The following DMWD variants were observed in gnomAD, a reference collection of about 807,000 sequenced individuals.
DMWD encodes the protein DM1 locus, WD repeat containing, also known as dystrophia myotonica WD repeat-containing protein.
Under a neutral mutation model 45.8 loss-of-function variants are expected in DMWD, and 19 were observed. That is an observed-to-expected ratio of 0.41 (90% CI 0.29 to 0.61). The LOEUF is 0.61. Ranked by LOEUF, DMWD falls within the 20% of genes least tolerant of loss-of-function variation. The probability of loss-of-function intolerance (pLI) is 0.25; values close to 1 mark genes in which losing one functional copy is unlikely to be tolerated. For missense variants in DMWD, 802 were observed against 965.2 expected (o/e 0.83, Z 2.24); for synonymous variants, 515 against 440.5 (o/e 1.17, Z -2.12).
At position 45,786,815 on chromosome 19, in the gene DMWD, G is replaced by A; in HGVS notation, c.681C>T (p.Ser227=). The A allele has an allele frequency of 6.2e-7, 1 of 1,614,082 alleles. No homozygotes were observed. Among genetic ancestry groups the A allele is most frequent in the South Asian group, 1.1e-5 (1 of 91,088 alleles). ...TYLKWLPESE[S]LFLASHASGH... ...CACTGGCGTGTGATGCCAGGAACAG[G>A]CTCTCCGACTCAGGCAGCCACTTCA... Residue 227 remains serine, a synonymous_variant, in exon 3 of 5, where the codon AGC becomes AGT. Transcript: ENST00000270223.
chr19:45,786,256 C>T lies in DMWD; in HGVS notation c.1240G>A (p.Gly414Arg), dbSNP rs763684273. 1.6e-5 allele frequency: 25 copies of T among 1,606,548 alleles called. No individual in the cohort carries two copies. The highest frequency in any genetic ancestry group is 9.9e-5 in the South Asian group (9 of 90,654). ...GGCAGTGGAGAGAGCGGGGCGCCCC[C>T]GGCCGAGCCTGTGCCCGCAGCCTCG... Reference protein sequence around the residue: ...EPEAAGTGSAGGAPLSPLPKA... With the variant: ...EPEAAGTGSARGAPLSPLPKA... Residue 414 changes from glycine to arginine, a missense_variant, in exon 3 of 5, where the codon GGG becomes AGG. By Grantham distance (125) the Gly-to-Arg change is moderately radical (BLOSUM62 -2). Coordinates refer to ENST00000270223, the MANE Select transcript of DMWD (RefSeq NM_004943.2).
intron 4 of DMWD, 35 bp downstream of exon 4, chr19:45,784,606 G>C: frequency 6.2e-7 from 1 of 1,613,950 alleles, no homozygotes; most frequent in Non-Finnish European, 8.5e-7. Context: ...GAGGGACCCT[G>C]AGGTGCTGGG....
chr19:45,788,016 G>A (rs1970304792), intron 2 of DMWD, among the ~76,000 whole-genome samples: 1 of 152,162 alleles, frequency 6.6e-6, no homozygotes, highest in African/African-American at 2.4e-5. Flanking sequence ...GGCGGAGGTT[G>A]CAGTGAGGGG....
At position 45,783,934 on chromosome 19, in the gene DMWD, CG is replaced by C; in HGVS notation, c.*308del. 1.8e-6 allele frequency: 1 copy of C among 544,602 alleles called. No homozygotes were observed. Among genetic ancestry groups the C allele is most frequent in the Non-Finnish European group, 3.2e-6 (1 of 312,144 alleles). 33.7% of individuals were successfully genotyped at this position (544,602 alleles called of 1,614,324 possible). A position where few individuals can be genotyped will look rare whatever the true frequency, so the allele number is the denominator to read the frequency against. ...AGACCTGGGGCTCTTGTGGCAGGGG[CG>C]GGGAGTCTCTCCCCAGGAGTGACCA... On this transcript the variant is annotated 3_prime_UTR_variant, in exon 5 of 5. Transcript: ENST00000270223.
At position 45,784,210 on chromosome 19, in the gene DMWD, G is replaced by A. The variant is rs778657184; in HGVS notation, c.*33C>T. The A allele has an allele frequency of 3.2e-6, 5 of 1,560,332 alleles. No individual in the cohort carries two copies. The highest frequency in any genetic ancestry group is 1.7e-4 in the Middle Eastern group (1 of 5,880). On this transcript the variant is annotated 3_prime_UTR_variant, in exon 5 of 5. Transcript: ENST00000270223. The stretch of plus-strand genomic sequence containing the variant: ...GAGGGTTATGGCTAGGAGGCTGGGG[G>A]CATGGGGTTGGGGGGGCCCGATATC...
Position 45,788,494 on chromosome 19 carries a change from C to T in DMWD, c.625-1623G>A, listed in dbSNP as rs138308126. On this transcript the variant is annotated intron_variant, in intron 2 of 4. Transcript: ENST00000270223. Reference sequence around the variant, plus strand: ...AACTAAGAGTAAGGCAAAATCTCTCCGTGACCTTCCAGACTCTCCATGAGC... The same window carrying T: ...AACTAAGAGTAAGGCAAAATCTCTCTGTGACCTTCCAGACTCTCCATGAGC... 1.3e-4 allele frequency among the ~76,000 whole-genome samples: 20 copies of T among 152,324 alleles called. No homozygotes were observed. The East Asian group carries it at 2.7e-3, about 21-fold the overall frequency.
At chr19:45,792,284 G>A in intron 1 of DMWD, 32 bp downstream of exon 1, 1 of 1,592,000 alleles carries the variant, frequency 6.3e-7, no homozygotes, top group East Asian at 2.4e-5. Context: ...CATCCTTTCA[G>A]CACCCAGGGC....
chr19:45,792,115 T>A (rs144572052), intron 1 of DMWD, among the ~76,000 whole-genome samples: 19 of 152,034 alleles, frequency 1.2e-4, no homozygotes, highest in African/African-American at 4.3e-4. Flanking sequence ...CCCCATCACC[T>A]CCAAGATGCC....
intron 2 of DMWD, chr19:45,790,666 A>G (rs12973583): frequency 2.7e-5 from 10 of 375,750 alleles, no homozygotes; most frequent in Admixed American, 8.5e-5. Flanking sequence ...ATAAATAAAT[A>G]AAAGAAAGAA....
intron 1 of DMWD, among the ~76,000 whole-genome samples, chr19:45,791,419 A>T (rs1321838161): frequency 1.3e-5 from 2 of 151,488 alleles, no homozygotes; most frequent in Non-Finnish European, 1.5e-5. Flanking sequence ...TAGCCTCACC[A>T]CTCCATCCTA....
At chr19:45,789,600 C>G (rs748026879) in intron 2 of DMWD, 5 of 152,228 alleles carry the variant, frequency 3.3e-5, no homozygotes, top group African/African-American at 4.8e-5. Context: ...GGCTTTGAAT[C>G]CAAAGCCTCC....
In DMWD at chr19:45,785,887, C is replaced by G; in HGVS notation, c.1609G>C (p.Glu537Gln). 1 of 1,604,548 alleles carries G rather than the reference C, an allele frequency of 6.2e-7. No individual in the cohort carries two copies. Among genetic ancestry groups the G allele is most frequent in the Non-Finnish European group, 8.5e-7 (1 of 1,179,582 alleles). ...TLQERRDRGA[E>Q]KEHKRYHSLG... Reference sequence around the variant, plus strand: ...CTGTGGTAGCGCTTGTGCTCCTTCTCTGCCCCCCGGTCCCGCCGCTCCTGC... The same window carrying G: ...CTGTGGTAGCGCTTGTGCTCCTTCTGTGCCCCCCGGTCCCGCCGCTCCTGC... Residue 537 changes from glutamate (E) to glutamine (Q), a missense_variant, in exon 3 of 5, where the codon GAG becomes CAG. Coordinates refer to ENST00000270223, the MANE Select transcript of DMWD (RefSeq NM_004943.2).
At chr19:45,789,267 T>C (rs2146274179) in intron 2 of DMWD, 1 of 152,330 alleles carries the variant, frequency 6.6e-6, no homozygotes, top group Admixed American at 6.5e-5. Context: ...TGTGAATGGA[T>C]GAGCTAATGA....
At position 45,786,614 on chromosome 19, in the gene DMWD, G is replaced by C. The variant is rs61744436; in HGVS notation, c.882C>G (p.Pro294=). ...TCACACAGGCCAGGTGCCGGCCATC[G>C]GGCGAGAAGGCGAACTCGTTGAGGG... ...EGPLNEFAFS[P]DGRHLACVSQ... The change falls in exon 3 of 5, where the codon CCC becomes CCG. Residue 294 remains proline (P), a synonymous_variant. Coordinates refer to ENST00000270223, the MANE Select transcript of DMWD (RefSeq NM_004943.2). The C allele has an allele frequency of 3.0e-3, 4,909 of 1,613,610 alleles. 135 individuals carry two copies. The African/African-American group carries it at 0.058, about 19-fold the overall frequency.
rs745581925 is a variant in DMWD, at chr19:45,784,150, G to A, written c.*93C>T. ...TGGAGCAGTCCATCCATCATGGTTA[G>A]TCTTGTTAATACGTTGATCTGTGAG... On this transcript the variant is annotated 3_prime_UTR_variant, in exon 5 of 5. Coordinates refer to ENST00000270223, the MANE Select transcript of DMWD (RefSeq NM_004943.2). 8.4e-7 allele frequency: 1 copy of A among 1,189,278 alleles called. No homozygotes were observed. Among genetic ancestry groups the A allele is most frequent in the Middle Eastern group, 1.9e-4 (1 of 5,238 alleles). 73.7% of individuals were successfully genotyped at this position (1,189,278 alleles called of 1,614,324 possible). A position where few individuals can be genotyped will look rare whatever the true frequency, so the allele number is the denominator to read the frequency against.
intron 2 of DMWD, among the ~76,000 whole-genome samples, chr19:45,788,529 C>T (rs939179021): frequency 3.9e-5 from 6 of 152,306 alleles, no homozygotes; most frequent in Admixed American, 1.3e-4. Flanking sequence ...CCAGCCCCTC[C>T]GTTATTTCTT....
In DMWD at chr19:45,787,743, C is replaced by G. The variant is rs572774965; in HGVS notation, c.625-872G>C. Among the ~76,000 whole-genome samples the G allele has an allele frequency of 1.3e-4, 20 of 152,350 alleles. No individual in the cohort carries two copies. In the East Asian group the frequency reaches 3.9e-3, roughly 29 times the overall value. On this transcript the variant is annotated intron_variant, in intron 2 of 4. Transcript: ENST00000270223. Reference sequence around the variant, plus strand: ...CCCCTCTTTTCCTCATCCAATCCTTCCACAAATCCTGTGGGCTCGACCTTC... The same window carrying G: ...CCCCTCTTTTCCTCATCCAATCCTTGCACAAATCCTGTGGGCTCGACCTTC...
In DMWD at chr19:45,784,365, C is replaced by A. The variant is rs549618895; in HGVS notation, c.1978-75G>T. The A allele has an allele frequency of 4.2e-6, 6 of 1,435,180 alleles. No individual in the cohort carries two copies. The South Asian group carries it at 8.4e-5, about 20-fold the overall frequency. 88.9% of individuals were successfully genotyped at this position (1,435,180 alleles called of 1,614,324 possible). A position where few individuals can be genotyped will look rare whatever the true frequency, so the allele number is the denominator to read the frequency against. On this transcript the variant is annotated intron_variant, in intron 4 of 4. Coordinates refer to ENST00000270223, the MANE Select transcript of DMWD (RefSeq NM_004943.2). Reference sequence around the variant, plus strand: ...TTCAGCCAGTGTCAAGGGGAGGGAGCCAGCCCAGAGTCCCCAAAGCTGCTG... The same window carrying A: ...TTCAGCCAGTGTCAAGGGGAGGGAGACAGCCCAGAGTCCCCAAAGCTGCTG...
rs1391268111 is a variant in DMWD, at chr19:45,786,005, C to A, written c.1491G>T (p.Pro497=). The A allele has an allele frequency of 1.9e-6, 3 of 1,565,046 alleles. No individual in the cohort carries two copies. Among genetic ancestry groups the A allele is most frequent in the African/African-American group, 1.4e-5 (1 of 73,880 alleles). The stretch of plus-strand genomic sequence containing the variant: ...CCGCCTTGCCCCCGCCAGCTGGGTG[C>A]GGGAGACTGTTGGAGCGGGACAGCG... ...PRSLSRSNSL[P]HPAGGGKAGG... The change falls in exon 3 of 5, where the codon CCG becomes CCT. Residue 497 remains proline, a synonymous_variant. Transcript: ENST00000270223.
Sources: gnomAD v4.1 joint callset for allele counts (sites outside exome capture counted in the v4.1 genomes callset) on GRCh38, gnomAD v4.1.1 for gene constraint, MANE v1.5 for transcripts, NCBI Gene and HGNC (gene_info 2026-07-23, HGNC 2026-07-21) for gene names.